LY75: variants seen among roughly 807,000 people sequenced by gnomAD.
LY75 encodes the protein C-type lectin domain family 13 member B.
LY75 carries 185 observed loss-of-function variants against 231.7 expected under a neutral mutation model. The observed-to-expected ratio is 0.80, with a 90% CI of 0.71 to 0.90. LY75 has a LOEUF of 0.90. LY75 is among the 40% of genes least tolerant of loss of function. The probability of loss-of-function intolerance (pLI) is 0.00; values close to 1 mark genes in which losing one functional copy is unlikely to be tolerated. For synonymous variants in LY75, 668 were observed against 689.0 expected (o/e 0.97, Z 0.48); for missense variants, 1,947 against 2,050.2 (o/e 0.95, Z 0.97).
At chr2:159,853,542 C>A in intron 19 of LY75, 88 bp downstream of exon 19, 1 of 1,580,068 alleles carries the variant, frequency 6.3e-7, no homozygotes, top group Non-Finnish European at 8.6e-7. Context: ...AATATTCAAA[C>A]TACTTATAAA....
At chr2:159,890,490 G>A in intron 3 of LY75, 113 bp from the exon 4 acceptor site, 1 of 1,422,200 alleles carries the variant, frequency 7.0e-7, no homozygotes, top group Non-Finnish European at 9.5e-7. Context: ...TATGCCCAAA[G>A]GGAGACTGCC....
chr2:159,849,986 T>C lies in LY75; in HGVS notation c.3144A>G (p.Pro1048=), dbSNP rs140002271. 13 of 1,608,696 alleles carry C rather than the reference T, an allele frequency of 8.1e-6. No individual in the cohort carries two copies. The African/African-American group carries it at 1.5e-4, about 18-fold the overall frequency. ...GGTTTTTAAAAAAACTTACATTTTC[T>C]GGTATTCTCAGCCTCCCACTAACCA... ...PLLVSGRLRI[P]ENFFEEESRY... Residue 1048 remains proline, a synonymous_variant, in exon 23 of 35, where the codon CCA becomes CCG. Transcript: ENST00000263636.
chr2:159,904,716 CG>C lies in LY75; in HGVS notation c.-35del. 1 of 1,387,824 alleles carries C rather than the reference CG, an allele frequency of 7.2e-7. No homozygotes were observed. The highest frequency in any genetic ancestry group is 9.3e-7 in the Non-Finnish European group (1 of 1,078,488). The allele number at this position is 1,387,824 out of a possible 1,614,324, so 86.0% of individuals were successfully genotyped here. On this transcript the variant is annotated 5_prime_UTR_variant, in exon 1 of 35. Transcript: ENST00000263636. Reference sequence around the variant, plus strand: ...GGCGCAAGCCTTCCGGCCGGGTCCTCGGGCGCACGCGGCTCCCGCCCCGCCT... The same window carrying C: ...GGCGCAAGCCTTCCGGCCGGGTCCTCGGCGCACGCGGCTCCCGCCCCGCCT...
intron 31 of LY75, among the ~76,000 whole-genome samples, chr2:159,812,555 G>T (rs993695508): frequency 3.3e-5 from 5 of 152,068 alleles, no homozygotes; most frequent in Admixed American, 1.3e-4. Context: ...GGGATTACAG[G>T]CATGTACTAC....
chr2:159,815,299 C>T, intron 31 of LY75, 106 bp downstream of exon 31: 1 of 1,400,736 alleles, frequency 7.1e-7, no homozygotes, highest in Non-Finnish European at 9.4e-7. Context: ...CTGCGCCCGG[C>T]CCTTGTGAAT....
intron 29 of LY75, 95 bp from the exon 30 acceptor site, chr2:159,817,127 A>C: frequency 1.5e-6 from 2 of 1,314,534 alleles, no homozygotes; most frequent in Non-Finnish European, 1.0e-6. Context: ...AAGTTAAATA[A>C]AACTGGGTTT....
intron 28 of LY75, 149 bp from the exon 29 acceptor site, chr2:159,820,069 T>C: frequency 1.6e-6 from 1 of 642,772 alleles, no homozygotes; most frequent in Non-Finnish European, 2.3e-6. Context: ...TAAGATATTT[T>C]CTGATTATAA....
chr2:159,868,900 C>A (rs56186131), intron 13 of LY75, among the ~76,000 whole-genome samples: 46,594 of 151,970 alleles, frequency 0.31, 9,366 homozygotes, highest in Non-Finnish European at 0.46. Context: ...ACTTACATGT[C>A]AGGAAGTATT....
chr2:159,837,895 G>A (rs1019445324), intron 25 of LY75, among the ~76,000 whole-genome samples: 4 of 152,012 alleles, frequency 2.6e-5, no homozygotes, highest in South Asian at 2.1e-4. Context: ...CTGTCCTCCC[G>A]GTCCTACCAT....
intron 16 of LY75, among the ~76,000 whole-genome samples, chr2:159,855,728 C>T (rs536873225): frequency 1.3e-5 from 2 of 152,286 alleles, no homozygotes; most frequent in South Asian, 2.1e-4. Flanking sequence ...GAGGAAGTGG[C>T]CAGCACAGGA....
At chr2:159,874,708 ATGTAAATATATATATTT>A (rs1366929125) in intron 12 of LY75, among the ~76,000 whole-genome samples, 2 of 6,852 alleles carry the variant, frequency 2.9e-4, no homozygotes, top group Non-Finnish European at 6.3e-4. Context: ...TTGTAAATAT[ATGTAAATATATATATTT>A]TGTAAATATA....
intron 9 of LY75, 88 bp from the exon 10 acceptor site, chr2:159,878,809 T>C: frequency 7.1e-7 from 1 of 1,412,154 alleles, no homozygotes; most frequent in Non-Finnish European, 9.8e-7. Context: ...ATTGATAACG[T>C]CTTAGAACTT....
At chr2:159,848,520 G>T (rs1298860613) in intron 23 of LY75, among the ~76,000 whole-genome samples, 1 of 152,080 alleles carries the variant, frequency 6.6e-6, no homozygotes, top group Non-Finnish European at 1.5e-5. Flanking sequence ...CTTTACTCGT[G>T]TAACCAAACA....
intron 20 of LY75, among the ~76,000 whole-genome samples, chr2:159,852,717 C>T (rs755628342): frequency 4.6e-5 from 7 of 152,190 alleles, no homozygotes; most frequent in Admixed American, 2.0e-4. Context: ...CCGTGCCCGG[C>T]CAAGTCAGCA....
chr2:159,899,060 C>T lies in LY75; in HGVS notation c.95-1G>A, dbSNP rs779539871. On this transcript the variant is annotated splice_acceptor_variant, in intron 1 of 34. Transcript: ENST00000263636. LOFTEE classifies it high-confidence loss of function. Reference sequence around the variant, plus strand: ...TGGACGATGGTGAAGGGGTCATTAGCTGAGTCAAATGGACAGACAGATTGT... The same window carrying T: ...TGGACGATGGTGAAGGGGTCATTAGTTGAGTCAAATGGACAGACAGATTGT... 9 of 1,609,754 alleles carry T rather than the reference C, an allele frequency of 5.6e-6. No individual in the cohort carries two copies. The South Asian group carries it at 8.8e-5, about 16-fold the overall frequency.
chr2:159,876,490 C>A (rs1256913857), intron 11 of LY75, among the ~76,000 whole-genome samples: 2 of 152,112 alleles, frequency 1.3e-5, no homozygotes, highest in Non-Finnish European at 2.9e-5. Context: ...TGCCTTGCTA[C>A]CCTGAATGGG....
At chr2:159,877,028 A>AAAAAAAAAAAAG (rs1553810533) in intron 11 of LY75, among the ~76,000 whole-genome samples, 35 of 117,008 alleles carry the variant, frequency 3.0e-4, no homozygotes, top group Non-Finnish European at 5.5e-4. Flanking sequence ...AAAAAAAAAA[A>AAAAAAAAAAAAG]AAAAAAGAAA....
At chr2:159,819,583 T>G in intron 29 of LY75, 143 bp downstream of exon 29, 1 of 1,010,538 alleles carries the variant, frequency 9.9e-7, no homozygotes, top group Non-Finnish European at 1.4e-6. Flanking sequence ...CCGTATCTTT[T>G]CCTTCCTCGA....
rs74853042 is a variant in LY75, at chr2:159,807,815, C to T, written c.4822+634G>A. On this transcript the variant is annotated intron_variant, in intron 33 of 34. Coordinates refer to ENST00000263636, the MANE Select transcript of LY75 (RefSeq NM_002349.4). ...GTCATATTTGTACTCTTATTTCTAC[C>T]AATTCCAAGTTCACCTAAACCCTGT... The T allele has an allele frequency of 3.0e-3, 2,861 of 962,404 alleles. 56 individuals carry two copies. In the African/African-American group the frequency reaches 0.045, roughly 15 times the overall value. The allele number at this position is 962,404 out of a possible 1,614,324, so 59.6% of individuals were successfully genotyped here. A position where few individuals can be genotyped will look rare whatever the true frequency, so the allele number is the denominator to read the frequency against.
Sources: allele counts gnomAD v4.1 joint callset (sites outside exome capture counted in the v4.1 genomes callset), GRCh38; gene constraint gnomAD v4.1.1; transcripts MANE v1.5; gene names NCBI Gene and HGNC (gene_info 2026-07-23, HGNC 2026-07-21).